NAA35: variants seen among roughly 807,000 people sequenced by gnomAD.
NAA35 encodes the protein N-alpha-acetyltransferase 35, NatC auxiliary subunit, also known as MAK10 homolog, amino-acid N-acetyltransferase subunit.
Under a neutral mutation model 101.7 loss-of-function variants are expected in NAA35, and 18 were observed. That is an observed-to-expected ratio of 0.18 (90% CI 0.12 to 0.26). The LOEUF (loss-of-function observed/expected upper bound fraction) is 0.26, where lower values mean the gene tolerates loss of function less well. Ranked by LOEUF, NAA35 falls within the 10% of genes least tolerant of loss-of-function variation. The pLI, the probability that NAA35 is intolerant of heterozygous loss-of-function variation, is 1.00. For synonymous variants in NAA35, 267 were observed against 273.1 expected (o/e 0.98, Z 0.22); for missense variants, 601 against 886.8 (o/e 0.68, Z 4.09).
intron 11 of NAA35, among the ~76,000 whole-genome samples, chr9:85,995,594 C>T (rs1399227546): frequency 6.6e-6 from 1 of 152,108 alleles, no homozygotes; most frequent in Non-Finnish European, 1.5e-5. Context: ...TTAATAACAA[C>T]AGCTATTCAG....
At chr9:85,967,531 G>A (rs1404178979) in intron 6 of NAA35, among the ~76,000 whole-genome samples, 3 of 152,124 alleles carry the variant, frequency 2.0e-5, no homozygotes, top group African/African-American at 7.2e-5. Context: ...GATTTGGCCG[G>A]GCGCGGTGGC....
At chr9:86,012,158 T>C (rs1463236548) in intron 15 of NAA35, among the ~76,000 whole-genome samples, 1 of 151,328 alleles carries the variant, frequency 6.6e-6, no homozygotes, top group Non-Finnish European at 1.5e-5. Context: ...CTCACTCTGT[T>C]GCCCAGGCTG....
At chr9:86,018,627 A>C in intron 20 of NAA35, 72 bp from the exon 21 acceptor site, 1 of 1,543,032 alleles carries the variant, frequency 6.5e-7, no homozygotes, top group South Asian at 1.2e-5. Context: ...AGAATTCTTT[A>C]ATAATTAGAA....
Position 85,941,203 on chromosome 9 carries a change from G to C in NAA35, c.-76G>C. ...GGCTGAGAGGGGAGGGGGCGGCGGC[G>C]GCCGAGGCGGCGTCGTTATTTCCGT... On this transcript the variant is annotated 5_prime_UTR_variant, in exon 1 of 23. Transcript: ENST00000361671. 2.0e-6 allele frequency: 2 copies of C among 986,794 alleles called. No homozygotes were observed. Among genetic ancestry groups the C allele is most frequent in the Non-Finnish European group, 2.4e-6 (2 of 830,854 alleles). 61.1% of individuals were successfully genotyped at this position (986,794 alleles called of 1,614,324 possible).
Position 86,023,336 on chromosome 9 carries a change from G to A in NAA35, c.*1376G>A, listed in dbSNP as rs924266437. Among the ~76,000 whole-genome samples the A allele has an allele frequency of 3.9e-5, 6 of 152,122 alleles. No individual in the cohort carries two copies. Among genetic ancestry groups the A allele is most frequent in the African/African-American group, 9.7e-5 (4 of 41,440 alleles). On this transcript the variant is annotated 3_prime_UTR_variant, in exon 23 of 23. Transcript: ENST00000361671. ...GTTACTGATGTAGTTACTTTGTTGAGAATGAAAACTGTTTCTGGCTGGTAA... is the reference window on the plus strand; with the variant it reads ...GTTACTGATGTAGTTACTTTGTTGAAAATGAAAACTGTTTCTGGCTGGTAA...
chr9:85,990,475 C>T (rs1830854457), intron 11 of NAA35, among the ~76,000 whole-genome samples: 1 of 152,126 alleles, frequency 6.6e-6, no homozygotes. Context: ...TTAACAGCTA[C>T]CTTTCTGAAG....
In NAA35 at chr9:85,978,086, T is replaced by TA. The variant is rs1437264192; in HGVS notation, c.763-174dup. ...TGATCCTACAAGTTATAGATGTGAG[T>TA]AAAAAAACCATTTTCTATCCTAACA... On this transcript the variant is annotated intron_variant, in intron 10 of 22. Coordinates refer to ENST00000361671, the MANE Select transcript of NAA35 (RefSeq NM_024635.4). Among the ~76,000 whole-genome samples, 6 of 152,206 alleles carry TA rather than the reference T, an allele frequency of 3.9e-5. No individual in the cohort carries two copies. In the South Asian group the frequency reaches 1.0e-3, roughly 26 times the overall value.
In NAA35 at chr9:86,017,634, G is replaced by A. The variant is rs950398616; in HGVS notation, c.1773+69G>A. On this transcript the variant is annotated intron_variant, in intron 19 of 22. Coordinates refer to ENST00000361671, the MANE Select transcript of NAA35 (RefSeq NM_024635.4). Reference sequence around the variant, plus strand: ...CCCTATTATATAGTTTATTTAAACTGTTTTCTGTGATTCTTTCCATATTAT... The same window carrying A: ...CCCTATTATATAGTTTATTTAAACTATTTTCTGTGATTCTTTCCATATTAT... 198 of 1,214,638 alleles carry A rather than the reference G, an allele frequency of 1.6e-4. 1 individual carries two copies. Among genetic ancestry groups the A allele is most frequent in the Non-Finnish European group, 1.7e-4 (146 of 858,072 alleles). 75.2% of individuals were successfully genotyped at this position (1,214,638 alleles called of 1,614,324 possible).
chr9:86,003,774 TAA>T, intron 13 of NAA35, 130 bp downstream of exon 13: 1 of 484,738 alleles, frequency 2.1e-6, no homozygotes, highest in Non-Finnish European at 3.5e-6. Context: ...ATTTTTTTTT[TAA>T]TTGAAGTATT....
At chr9:86,009,028 C>T (rs767601046) in intron 14 of NAA35, among the ~76,000 whole-genome samples, 2 of 152,168 alleles carry the variant, frequency 1.3e-5, no homozygotes, top group Non-Finnish European at 2.9e-5. Context: ...CTTACCTATG[C>T]CTCATGACAG....
intron 22 of NAA35, among the ~76,000 whole-genome samples, chr9:86,021,236 T>C (rs1832532676): frequency 6.6e-6 from 1 of 152,132 alleles, no homozygotes. Flanking sequence ...AAAAAGAAAA[T>C]TTATGTAAAG....
Position 85,952,882 on chromosome 9 carries a change from A to G in NAA35, c.125-3478A>G, listed in dbSNP as rs149670527. Among the ~76,000 whole-genome samples, 299 of 152,216 alleles carry G rather than the reference A, an allele frequency of 2.0e-3. 5 individuals are homozygous for G. Among genetic ancestry groups the G allele is most frequent in the Admixed American group, 0.017 (255 of 15,282 alleles). On this transcript the variant is annotated intron_variant, in intron 2 of 22. Coordinates refer to ENST00000361671, the MANE Select transcript of NAA35 (RefSeq NM_024635.4). ...TCAAGGTTGTTTTTTTATTTTGCCC[A>G]GCTTTTTTATTGTGTTAAATTAAAC...
At chr9:85,986,678 G>C (rs1263755039) in intron 11 of NAA35, 2 of 310,158 alleles carry the variant, frequency 6.4e-6, no homozygotes, top group Non-Finnish European at 1.3e-5. Context: ...TCTGCCTCCC[G>C]GGTTCAAATG....
At chr9:85,977,495 G>A (rs755226373) in intron 10 of NAA35, 49 bp downstream of exon 10, 2 of 1,367,784 alleles carry the variant, frequency 1.5e-6, no homozygotes, top group South Asian at 1.2e-5. Flanking sequence ...GATTTTGGCT[G>A]GAATTCCTGA....
rs749448250 is a variant in NAA35, at chr9:85,955,360, A to ATATTT, written c.125-999_125-998insATTTT. ...TATATATATATATATATATATATAT[A>ATATTT]TTTTTTTTTTTTTTTTTCTTCAGAC... On this transcript the variant is annotated intron_variant, in intron 2 of 22. Coordinates refer to ENST00000361671, the MANE Select transcript of NAA35 (RefSeq NM_024635.4). Among the ~76,000 whole-genome samples the ATATTT allele has an allele frequency of 3.7e-4, 20 of 53,938 alleles. 1 individual carries two copies. Among genetic ancestry groups the ATATTT allele is most frequent in the Admixed American group, 1.5e-3 (4 of 2,616 alleles). 35.4% of individuals were successfully genotyped at this position (53,938 alleles called of 152,430 possible). A position where few individuals can be genotyped will look rare whatever the true frequency, so the allele number is the denominator to read the frequency against.
At chr9:85,961,248 C>G (rs1208831890) in intron 5 of NAA35, among the ~76,000 whole-genome samples, 1 of 152,154 alleles carries the variant, frequency 6.6e-6, no homozygotes, top group African/African-American at 2.4e-5. Flanking sequence ...TAGCGTATGT[C>G]TTACTCTACT....
chr9:86,009,713 T>C (rs1831814113), intron 14 of NAA35, 152 bp from the exon 15 acceptor site: 5 of 583,614 alleles, frequency 8.6e-6, no homozygotes, highest in Non-Finnish European at 1.5e-5. Context: ...TTGTAAAATA[T>C]TTCTTAATCT....
Position 86,013,909 on chromosome 9 carries a change from GT to G in NAA35, c.1568+15del, listed in dbSNP as rs1377790520. The stretch of plus-strand genomic sequence containing the variant: ...TATTACATATATTGGTAAGAGCACA[GT>G]TTGAGTTAAAATTGGTGGTGGGTGC... On this transcript the variant is annotated intron_variant, in intron 17 of 22. Coordinates refer to ENST00000361671, the MANE Select transcript of NAA35 (RefSeq NM_024635.4). The G allele has an allele frequency of 1.9e-6, 3 of 1,560,220 alleles. No individual in the cohort carries two copies. The Admixed American group carries it at 5.1e-5, about 27-fold the overall frequency.
At chr9:85,973,200 G>C (rs1277632407) in intron 6 of NAA35, among the ~76,000 whole-genome samples, 1 of 152,204 alleles carries the variant, frequency 6.6e-6, no homozygotes, top group African/African-American at 2.4e-5. Flanking sequence ...TGAATGTGAA[G>C]TGGTAGGAAA....
Sources: allele counts gnomAD v4.1 joint callset (sites outside exome capture counted in the v4.1 genomes callset), GRCh38; gene constraint gnomAD v4.1.1; transcripts MANE v1.5; gene names NCBI Gene and HGNC (gene_info 2026-07-23, HGNC 2026-07-21).